Variants in PLAUR observed in about 807,000 individuals in gnomAD.
PLAUR encodes the protein plasminogen activator, urokinase receptor.
PLAUR carries 22 observed loss-of-function variants against 33.4 expected under a neutral mutation model. The observed-to-expected ratio is 0.66, with a 90% CI of 0.47 to 0.94. The LOEUF is 0.94. PLAUR is among the 40% of genes least tolerant of loss of function. The pLI, the probability that PLAUR is intolerant of heterozygous loss-of-function variation, is 0.00. For missense variants in PLAUR, 408 were observed against 434.7 expected, an observed-to-expected ratio of 0.94 and a Z score of 0.55; for synonymous variants, 148 against 167.3, an observed-to-expected ratio of 0.88 and a Z score of 0.89.
intron 4 of PLAUR, 26 bp downstream of exon 4, chr19:43,656,453 G>A (rs761426079): frequency 2.1e-5 from 33 of 1,555,228 alleles, no homozygotes; most frequent in South Asian, 2.0e-4. Flanking sequence ...GCAGGGAGGA[G>A]GAGTTGCCAG....
chr19:43,658,145 A>G (rs4251863), intron 3 of PLAUR, among the ~76,000 whole-genome samples: 10,264 of 152,264 alleles, frequency 0.067, 425 homozygotes, highest in Middle Eastern at 0.19. Flanking sequence ...CATAGAACAC[A>G]TGCCTGGCTC....
intron 2 of PLAUR, 104 bp from the exon 3 acceptor site, chr19:43,665,563 A>G: frequency 8.7e-7 from 1 of 1,153,590 alleles, no homozygotes; most frequent in Non-Finnish European, 1.2e-6. Flanking sequence ...GATCTCTGCT[A>G]GGCCTCTTCT....
intron 5 of PLAUR, among the ~76,000 whole-genome samples, chr19:43,653,879 A>C (rs1431002679): frequency 6.6e-6 from 1 of 151,946 alleles, no homozygotes; most frequent in East Asian, 1.9e-4. Context: ...TAATCCCAGC[A>C]CTTTGGGAGG....
Position 43,648,808 on chromosome 19 carries a change from A to G in PLAUR, c.*82T>C. 1.4e-6 allele frequency: 2 copies of G among 1,452,046 alleles called. No individual in the cohort carries two copies. The highest frequency in any genetic ancestry group is 1.9e-6 in the Non-Finnish European group (2 of 1,058,552). The allele number at this position is 1,452,046 out of a possible 1,614,324, so 89.9% of individuals were successfully genotyped here. ...TCGGCACACTGGCCTGAGGTCACACAGCAAGTCTGTAGGGCTGGGAGCCGA... is the reference window on the plus strand; with the variant it reads ...TCGGCACACTGGCCTGAGGTCACACGGCAAGTCTGTAGGGCTGGGAGCCGA... On this transcript the variant is annotated 3_prime_UTR_variant, in exon 7 of 7. Transcript: ENST00000340093.
At chr19:43,668,036 T>G in intron 1 of PLAUR, 1 of 1,077,870 alleles carries the variant, frequency 9.3e-7, no homozygotes, top group Non-Finnish European at 1.1e-6. Flanking sequence ...CTATTAGGTC[T>G]TTCTCACCGC....
At chr19:43,666,979 C>T (rs1322065831) in intron 2 of PLAUR, among the ~76,000 whole-genome samples, 4 of 152,022 alleles carry the variant, frequency 2.6e-5, no homozygotes, top group Admixed American at 6.6e-5. Flanking sequence ...CAGGTTCAAG[C>T]AATTCTCCTG....
intron 1 of PLAUR, among the ~76,000 whole-genome samples, chr19:43,669,001 C>T (rs1873451997): frequency 6.6e-6 from 1 of 152,186 alleles, no homozygotes; most frequent in Non-Finnish European, 1.5e-5. Context: ...TCCGGGCCTT[C>T]CCGGACATCC....
At chr19:43,646,765 C>A (rs1973830775), downstream of PLAUR, among the ~76,000 whole-genome samples, 1 of 151,514 alleles carries the variant, frequency 6.6e-6, no homozygotes, top group Non-Finnish European at 1.5e-5. Context: ...CCCTCACCTG[C>A]CCCCAAATAC....
chr19:43,669,998 T>C lies in PLAUR; in HGVS notation c.55+68A>G, dbSNP rs1000416994. ...TGAACCGCATTCCTCCAACTCATCCTCTGACAACCCCCAACCCCCTCAATT... is the reference window on the plus strand; with the variant it reads ...TGAACCGCATTCCTCCAACTCATCCCCTGACAACCCCCAACCCCCTCAATT... On this transcript the variant is annotated intron_variant, in intron 1 of 6. Coordinates refer to ENST00000340093, the MANE Select transcript of PLAUR (RefSeq NM_002659.4). 2.0e-6 allele frequency: 3 copies of C among 1,476,020 alleles called. No homozygotes were observed. In the African/African-American group the frequency reaches 4.2e-5, roughly 21 times the overall value. The allele number at this position is 1,476,020 out of a possible 1,614,324, so 91.4% of individuals were successfully genotyped here.
rs912847015 is a variant in PLAUR, at chr19:43,665,206, G to C, written c.310+110C>G. 7 of 1,123,158 alleles carry C rather than the reference G, an allele frequency of 6.2e-6. No homozygotes were observed. In the Admixed American group the frequency reaches 1.3e-4, roughly 22 times the overall value. The allele number at this position is 1,123,158 out of a possible 1,614,324, so 69.6% of individuals were successfully genotyped here. A position where few individuals can be genotyped will look rare whatever the true frequency, so the allele number is the denominator to read the frequency against. ...GGGTTGGGGTTGGGACTTGGATAAG[G>C]CATGGAGTTGGGGTTCAGCTGATGT... On this transcript the variant is annotated intron_variant, in intron 3 of 6. Coordinates refer to ENST00000340093, the MANE Select transcript of PLAUR (RefSeq NM_002659.4).
intron 3 of PLAUR, among the ~76,000 whole-genome samples, chr19:43,657,416 A>C (rs1468870676): frequency 6.6e-6 from 1 of 151,924 alleles, no homozygotes; most frequent in Non-Finnish European, 1.5e-5. Flanking sequence ...CCTCCACTAC[A>C]CCCTGAGACT....
At chr19:43,658,705 G>A (rs1454023437) in intron 3 of PLAUR, among the ~76,000 whole-genome samples, 1 of 152,018 alleles carries the variant, frequency 6.6e-6, no homozygotes, top group African/African-American at 2.4e-5. Context: ...CTGAGTCCAG[G>A]CCAAGTCTTA....
intron 5 of PLAUR, among the ~76,000 whole-genome samples, chr19:43,653,292 A>C (rs1473687723): frequency 6.6e-6 from 1 of 152,208 alleles, no homozygotes. Flanking sequence ...GAACATTTCT[A>C]TCTGTTGACA....
chr19:43,653,645 C>A (rs1387455587), intron 5 of PLAUR, among the ~76,000 whole-genome samples: 2 of 150,000 alleles, frequency 1.3e-5, no homozygotes, highest in Non-Finnish European at 3.0e-5. Flanking sequence ...GCTGACAGAG[C>A]GAGACTCCAT....
intron 3 of PLAUR, among the ~76,000 whole-genome samples, chr19:43,658,010 C>G (rs991306979): frequency 6.6e-6 from 1 of 150,802 alleles, no homozygotes; most frequent in African/African-American, 2.4e-5. Flanking sequence ...TGAGACTAGT[C>G]TGGGCAACAT....
chr19:43,657,244 C>T (rs1388028132), intron 3 of PLAUR, among the ~76,000 whole-genome samples: 1 of 152,046 alleles, frequency 6.6e-6, no homozygotes, highest in Non-Finnish European at 1.5e-5. Context: ...GCACTCGGGC[C>T]CTTAGAAGGA....
intron 3 of PLAUR, among the ~76,000 whole-genome samples, chr19:43,659,580 T>C (rs1392248853): frequency 2.0e-5 from 3 of 152,204 alleles, no homozygotes; most frequent in African/African-American, 7.2e-5. Context: ...GACTTCTCTC[T>C]GAGCTCCAGA....
chr19:43,648,838 A>C lies in PLAUR; in HGVS notation c.*52T>G. On this transcript the variant is annotated 3_prime_UTR_variant, in exon 7 of 7. Coordinates refer to ENST00000340093, the MANE Select transcript of PLAUR (RefSeq NM_002659.4). ...GTCTGTAGGGCTGGGAGCCGAGGGA[A>C]GGGCAAAGGGGTCCCCCGGATCCAG... 6.4e-7 allele frequency: 1 copy of C among 1,561,398 alleles called. No individual in the cohort carries two copies. Among genetic ancestry groups the C allele is most frequent in the Non-Finnish European group, 8.7e-7 (1 of 1,142,966 alleles).
At chr19:43,647,422 A>C (rs1973842223), downstream of PLAUR, among the ~76,000 whole-genome samples, 1 of 152,214 alleles carries the variant, frequency 6.6e-6, no homozygotes, top group African/African-American at 2.4e-5. Flanking sequence ...TCTCCTTAGA[A>C]CAACAAAATA....
Sources: allele counts gnomAD v4.1 joint callset (sites outside exome capture counted in the v4.1 genomes callset), GRCh38; gene constraint gnomAD v4.1.1; transcripts MANE v1.5; gene names NCBI Gene and HGNC (gene_info 2026-07-23, HGNC 2026-07-21).